The following CCSER1 variants were observed in gnomAD, a reference collection of about 807,000 sequenced individuals.
CCSER1 encodes serine-rich coiled-coil domain-containing protein 1.
Under a neutral mutation model 82.0 loss-of-function variants are expected in CCSER1, and 41 were observed. The observed-to-expected ratio is 0.50, with a 90% CI of 0.39 to 0.65. The LOEUF is 0.65. Among genes scored for constraint, CCSER1 ranks in the 30% least tolerant of loss-of-function variants. The pLI is 0.00. For synonymous variants in CCSER1, 414 were observed against 383.9 expected, an observed-to-expected ratio of 1.08 and a Z score of -0.92; for missense variants, 1,119 against 1,064.2, an observed-to-expected ratio of 1.05 and a Z score of -0.72.
chr4:90,714,109 G>A (rs1741182372), intron 6 of CCSER1, among the ~76,000 whole-genome samples: 1 of 151,726 alleles, frequency 6.6e-6, no homozygotes, highest in African/African-American at 2.4e-5. Flanking sequence ...GCCATGGACC[G>A]CAGCTGCTTC....
intron 10 of CCSER1, among the ~76,000 whole-genome samples, chr4:91,485,762 A>C (rs1758185813): frequency 6.6e-6 from 1 of 152,156 alleles, no homozygotes; most frequent in Non-Finnish European, 1.5e-5. Flanking sequence ...CATTATTTTC[A>C]CTTCTTCATA....
chr4:90,933,022 A>AAGAAAGAAAG (rs1427550753), intron 9 of CCSER1, among the ~76,000 whole-genome samples: 1 of 95,566 alleles, frequency 1.0e-5, no homozygotes, highest in African/African-American at 5.5e-5. Flanking sequence ...GAAAGAAAGA[A>AAGAAAGAAAG]AGAAAGAAAG....
chr4:90,431,431 A>G (rs1038114451), intron 4 of CCSER1, among the ~76,000 whole-genome samples: 2 of 152,080 alleles, frequency 1.3e-5, no homozygotes, highest in African/African-American at 4.8e-5. Flanking sequence ...AGAATAGTAC[A>G]CCAGAGAGTC....
chr4:90,158,571 C>G (rs949968981), intron 1 of CCSER1, among the ~76,000 whole-genome samples: 27 of 152,322 alleles, frequency 1.8e-4, no homozygotes, highest in Non-Finnish European at 7.3e-5. Flanking sequence ...CCTAAGCAAG[C>G]CTGGGCAATG....
chr4:90,401,852 A>C (rs925515103), intron 4 of CCSER1, among the ~76,000 whole-genome samples: 1 of 152,176 alleles, frequency 6.6e-6, no homozygotes, highest in African/African-American at 2.4e-5. Flanking sequence ...TATTGTTGAT[A>C]GAGAACTTTT....
At chr4:90,485,438 T>TG (rs1766870901) in intron 5 of CCSER1, among the ~76,000 whole-genome samples, 1 of 151,648 alleles carries the variant, frequency 6.6e-6, no homozygotes, top group Non-Finnish European at 1.5e-5. Context: ...CACTTGGAAA[T>TG]GCAGAAATCA....
intron 10 of CCSER1, among the ~76,000 whole-genome samples, chr4:91,111,726 G>A (rs565388436): frequency 6.6e-6 from 1 of 151,624 alleles, no homozygotes; most frequent in South Asian, 2.1e-4. Flanking sequence ...TAATTCATGA[G>A]GTAGTCTGTA....
intron 4 of CCSER1, among the ~76,000 whole-genome samples, chr4:90,421,645 A>T (rs1470459748): frequency 6.6e-6 from 1 of 152,144 alleles, no homozygotes; most frequent in Non-Finnish European, 1.5e-5. Flanking sequence ...AAAAATAATG[A>T]TTTTTTTATC....
chr4:90,536,256 A>T (rs2153633370), intron 5 of CCSER1, among the ~76,000 whole-genome samples: 1 of 151,974 alleles, frequency 6.6e-6, no homozygotes, highest in South Asian at 2.1e-4. Context: ...CTGGTCACGA[A>T]CTCCTGACCT....
chr4:90,133,455 T>C (rs1019208861), intron 1 of CCSER1, among the ~76,000 whole-genome samples: 1 of 152,194 alleles, frequency 6.6e-6, no homozygotes, highest in African/African-American at 2.4e-5. Context: ...ATATTTTTGG[T>C]TTTGGCATAT....
chr4:90,767,809 A>C (rs1751473891), intron 7 of CCSER1, among the ~76,000 whole-genome samples: 1 of 152,084 alleles, frequency 6.6e-6, no homozygotes, highest in Admixed American at 6.6e-5. Flanking sequence ...CTGGAACTAC[A>C]GGTGTGTGCC....
chr4:91,251,871 C>T (rs1740284727), intron 10 of CCSER1, among the ~76,000 whole-genome samples: 1 of 151,932 alleles, frequency 6.6e-6, no homozygotes, highest in Non-Finnish European at 1.5e-5. Flanking sequence ...CAGCAGTTGC[C>T]ATCGAATCTG....
intron 1 of CCSER1, among the ~76,000 whole-genome samples, chr4:90,273,498 A>G (rs1726978452): frequency 6.6e-6 from 1 of 152,168 alleles, no homozygotes; most frequent in Admixed American, 6.6e-5. Context: ...TGTACCCACA[A>G]AAATAATTTT....
chr4:90,369,948 A>G (rs1244747069), intron 3 of CCSER1, among the ~76,000 whole-genome samples: 1 of 152,172 alleles, frequency 6.6e-6, no homozygotes, highest in East Asian at 1.9e-4. Flanking sequence ...ATATAATAGT[A>G]TTGTCTTTTA....
intron 9 of CCSER1, among the ~76,000 whole-genome samples, chr4:90,990,325 A>G (rs1420166261): frequency 6.6e-6 from 1 of 151,924 alleles, no homozygotes; most frequent in Admixed American, 6.6e-5. Flanking sequence ...AAAATGTACC[A>G]TATAGTAAAG....
chr4:90,811,975 T>TATATATAAACACACACACACAC (rs1758385191), intron 7 of CCSER1, among the ~76,000 whole-genome samples: 12 of 88,492 alleles, frequency 1.4e-4, no homozygotes, highest in African/African-American at 5.2e-4. Flanking sequence ...TACACATATA[T>TATATATAAACACACACACACAC]ATATATATAT....
intron 6 of CCSER1, among the ~76,000 whole-genome samples, chr4:90,640,952 A>G (rs541985495): frequency 2.4e-4 from 37 of 152,266 alleles, no homozygotes; most frequent in African/African-American, 8.4e-4. Flanking sequence ...GTACTAGAAC[A>G]AACTGCTCAG....
At chr4:91,013,991 T>G (rs1739223016) in intron 9 of CCSER1, among the ~76,000 whole-genome samples, 1 of 133,038 alleles carries the variant, frequency 7.5e-6, no homozygotes, top group African/African-American at 2.5e-5. Context: ...CAAGGGATTT[T>G]CATAGGAATT....
At chr4:90,973,813 A>G (rs373404558) in intron 9 of CCSER1, among the ~76,000 whole-genome samples, 4 of 151,586 alleles carry the variant, frequency 2.6e-5, no homozygotes, top group African/African-American at 9.7e-5. Context: ...AGAAACAGAC[A>G]AACGCATACA....
Sources: gnomAD v4.1 joint callset for allele counts (sites outside exome capture counted in the v4.1 genomes callset) on GRCh38, gnomAD v4.1.1 for gene constraint, MANE v1.5 for transcripts, NCBI Gene and HGNC (gene_info 2026-07-23, HGNC 2026-07-21) for gene names.